Variants in CTNNBIP1 observed in about 807,000 individuals in gnomAD.
CTNNBIP1 encodes catenin beta interacting protein 1, also known as beta-catenin-interacting protein 1.
A neutral mutation model predicts 11.8 loss-of-function variants in CTNNBIP1; 7 were observed. The observed-to-expected ratio is 0.60, with a 90% CI of 0.34 to 1.12. The LOEUF (loss-of-function observed/expected upper bound fraction) is 1.12, where lower values mean the gene tolerates loss of function less well. CTNNBIP1 is among the 50% of genes most tolerant of loss of function. The pLI, the probability that CTNNBIP1 is intolerant of heterozygous loss-of-function variation, is 0.03. For missense variants in CTNNBIP1, 101 were observed against 113.4 expected, an observed-to-expected ratio of 0.89 and a Z score of 0.50; for synonymous variants, 58 against 43.9, an observed-to-expected ratio of 1.32 and a Z score of -1.26.
chr1:9,866,775 G>A (rs1638756191), intron 5 of CTNNBIP1, among the ~76,000 whole-genome samples: 1 of 152,054 alleles, frequency 6.6e-6, no homozygotes, highest in South Asian at 2.1e-4. Context: ...GACCTGAGGG[G>A]GCAAGATGGG....
At chr1:9,897,848 C>T (rs1188114631) in intron 1 of CTNNBIP1, among the ~76,000 whole-genome samples, 3 of 151,976 alleles carry the variant, frequency 2.0e-5, no homozygotes, top group Non-Finnish European at 2.9e-5. Flanking sequence ...TGGCCGGATG[C>T]GGTGGCTCAC....
In CTNNBIP1 at chr1:9,872,044, G is replaced by A. The variant is rs200381818; in HGVS notation, c.21C>T (p.Pro7=). ...TGTACATCTCCTCCGGACTCTTCCC[G>A]GGAGCTCCCTCGCGGTTCATCCCCC... MNREGA[P]GKSPEEMYIQ... is the part of the protein sequence containing the mutation. The change falls in exon 4 of 6, where the codon CCC becomes CCT. Residue 7 remains proline, a synonymous_variant. Transcript: ENST00000377263. This position sits in a 1 kb window ranked among gnomAD's most constrained non-coding sequence, Gnocchi z 4.0. 14 of 1,614,022 alleles carry A rather than the reference G, an allele frequency of 8.7e-6. No individual in the cohort carries two copies. The highest frequency in any genetic ancestry group is 2.2e-5 in the East Asian group (1 of 44,894).
intron 3 of CTNNBIP1, among the ~76,000 whole-genome samples, chr1:9,873,320 A>T (rs1476987866): frequency 6.6e-6 from 1 of 152,158 alleles, no homozygotes; most frequent in African/African-American, 2.4e-5. Flanking sequence ...TCCTGGGCCC[A>T]GAAAATGGCC....
intron 1 of CTNNBIP1, among the ~76,000 whole-genome samples, chr1:9,901,523 A>C (rs1557767664): frequency 6.6e-6 from 1 of 152,192 alleles, no homozygotes; most frequent in Non-Finnish European, 1.5e-5. Context: ...GGTTCAGGTC[A>C]AGGACATTGA....
Position 9,904,890 on chromosome 1 carries a change from G to A in CTNNBIP1, c.-144+5205C>T, listed in dbSNP as rs145732525. Among the ~76,000 whole-genome samples, 214 of 152,116 alleles carry A rather than the reference G, an allele frequency of 1.4e-3. 1 individual carries two copies. Among genetic ancestry groups the A allele is most frequent in the Admixed American group, 0.012 (183 of 15,270 alleles). On this transcript the variant is annotated intron_variant, in intron 1 of 5. Transcript: ENST00000377263. The stretch of plus-strand genomic sequence containing the variant: ...ATGTTTGCTGATGACTTAGGGACTC[G>A]GAAAAAAGGAAGCTCAATAAAATGC...
rs911376827 is a variant in CTNNBIP1, at chr1:9,851,905, C to G, written c.188-1129G>C. On this transcript the variant is annotated intron_variant, in intron 5 of 5. Coordinates refer to ENST00000377263, the MANE Select transcript of CTNNBIP1 (RefSeq NM_020248.3). This position sits in a 1 kb window ranked among gnomAD's most constrained non-coding sequence, Gnocchi z 4.8. ...CCAGGAGGTGACCTGTAGGGCCCCACCTTGACTCCCTGACCCTGTCCTGCT... is the reference window on the plus strand; with the variant it reads ...CCAGGAGGTGACCTGTAGGGCCCCAGCTTGACTCCCTGACCCTGTCCTGCT... Among the ~76,000 whole-genome samples, 3 of 152,202 alleles carry G rather than the reference C, an allele frequency of 2.0e-5. No homozygotes were observed. Among genetic ancestry groups the G allele is most frequent in the Non-Finnish European group, 4.4e-5 (3 of 68,036 alleles).
chr1:9,885,652 A>AG (rs1291472408), intron 1 of CTNNBIP1, among the ~76,000 whole-genome samples: 2 of 151,994 alleles, frequency 1.3e-5, no homozygotes, highest in Non-Finnish European at 2.9e-5. Flanking sequence ...TCTAAAAAAA[A>AG]AAAAAAAGAG....
At chr1:9,908,455 G>A (rs1366247976) in intron 1 of CTNNBIP1, among the ~76,000 whole-genome samples, 1 of 139,810 alleles carries the variant, frequency 7.2e-6, no homozygotes, top group Non-Finnish European at 1.5e-5. Context: ...CTCACTGCAA[G>A]TTCCACCTCC....
At chr1:9,874,986 G>A (rs6687426) in intron 3 of CTNNBIP1, among the ~76,000 whole-genome samples, 5,230 of 152,226 alleles carry the variant, frequency 0.034, 284 homozygotes, top group African/African-American at 0.12. Context: ...GTGCCTAAGG[G>A]CTAGTTTTCA....
intron 5 of CTNNBIP1, among the ~76,000 whole-genome samples, chr1:9,864,461 C>T (rs13374181): frequency 0.059 from 9,034 of 152,218 alleles, 388 homozygotes; most frequent in Non-Finnish European, 0.092. Flanking sequence ...CCTGAGTAGC[C>T]AGGACTACAG....
chr1:9,897,017 C>T (rs1300123027), intron 1 of CTNNBIP1, among the ~76,000 whole-genome samples: 2 of 152,000 alleles, frequency 1.3e-5, no homozygotes, highest in Non-Finnish European at 2.9e-5. Flanking sequence ...TGGCGCGCGC[C>T]TGTAATCCCA....
At chr1:9,876,429 C>T (rs1638970189) in intron 3 of CTNNBIP1, among the ~76,000 whole-genome samples, 1 of 152,118 alleles carries the variant, frequency 6.6e-6, no homozygotes, top group Non-Finnish European at 1.5e-5. Flanking sequence ...CTAGCCTGGC[C>T]AACATGGTGA....
intron 1 of CTNNBIP1, among the ~76,000 whole-genome samples, chr1:9,899,723 C>T (rs373783430): frequency 7.9e-5 from 12 of 151,682 alleles, no homozygotes; most frequent in East Asian, 3.9e-4. Context: ...CATGCCACTG[C>T]ACTCCAGCCT....
At position 9,898,978 on chromosome 1, in the gene CTNNBIP1, T is replaced by A. The variant is rs1010216284; in HGVS notation, c.-144+11117A>T. Among the ~76,000 whole-genome samples the A allele has an allele frequency of 2.6e-5, 4 of 152,294 alleles. No individual in the cohort carries two copies. The East Asian group carries it at 7.7e-4, about 29-fold the overall frequency. On this transcript the variant is annotated intron_variant, in intron 1 of 5. Coordinates refer to ENST00000377263, the MANE Select transcript of CTNNBIP1 (RefSeq NM_020248.3). ...TAATTTCATTTTATTTTTTGGTATTTAAAAAAAATTTTTTACTTCCGTAGG... is the reference window on the plus strand; with the variant it reads ...TAATTTCATTTTATTTTTTGGTATTAAAAAAAAATTTTTTACTTCCGTAGG...
chr1:9,877,522 C>T (rs1167078942), intron 3 of CTNNBIP1, among the ~76,000 whole-genome samples: 1 of 152,176 alleles, frequency 6.6e-6, no homozygotes, highest in Non-Finnish European at 1.5e-5. Context: ...GCCTCCAGCC[C>T]CTGCACTCGT....
At chr1:9,897,182 C>T (rs1388296506) in intron 1 of CTNNBIP1, among the ~76,000 whole-genome samples, 5 of 151,698 alleles carry the variant, frequency 3.3e-5, no homozygotes, top group South Asian at 2.1e-4. Flanking sequence ...TGGCCAGGCA[C>T]GGTGGCTCAG....
chr1:9,903,645 G>A (rs1639565379), intron 1 of CTNNBIP1, among the ~76,000 whole-genome samples: 1 of 152,112 alleles, frequency 6.6e-6, no homozygotes, highest in African/African-American at 2.4e-5. Context: ...CCATGCCCCT[G>A]GGAACTACGA....
chr1:9,873,262 C>T (rs1278375271), intron 3 of CTNNBIP1, among the ~76,000 whole-genome samples: 2 of 152,186 alleles, frequency 1.3e-5, no homozygotes, highest in African/African-American at 2.4e-5. Context: ...TTCTGCTAAA[C>T]CCCTACAGCC....
chr1:9,872,011 C>T lies in CTNNBIP1; in HGVS notation c.54G>A (p.Gln18=). The T allele has an allele frequency of 1.2e-6, 2 of 1,614,230 alleles. No homozygotes were observed. The change falls in exon 4 of 6, where the codon CAG becomes CAA. Residue 18 remains glutamine (Q), a synonymous_variant. Transcript: ENST00000377263. This position sits in a 1 kb window ranked among gnomAD's most constrained non-coding sequence, Gnocchi z 4.0. ...GCAGCATGAGCAGCACTCGGACCTT[C>T]TGCTGAATGTACATCTCCTCCGGAC... ...GKSPEEMYIQ[Q]KVRVLLMLRK...
Sources: allele counts gnomAD v4.1 joint callset (sites outside exome capture counted in the v4.1 genomes callset), GRCh38; gene constraint gnomAD v4.1.1; non-coding constraint Gnocchi (gnomAD v3.1); transcripts MANE v1.5; gene names NCBI Gene and HGNC (gene_info 2026-07-23, HGNC 2026-07-21).